The following ATP13A4 variants were observed in gnomAD, a reference collection of about 807,000 sequenced individuals.
ATP13A4 encodes probable cation-transporting ATPase 13A4.
In ATP13A4, 114 loss-of-function variants were observed where a neutral mutation model predicts 142.5. The observed-to-expected ratio is 0.80, with a 90% CI of 0.69 to 0.93. The LOEUF (loss-of-function observed/expected upper bound fraction) is 0.93. Among genes scored for constraint, ATP13A4 ranks in the 40% least tolerant of loss-of-function variants. The pLI is 0.00. For missense variants in ATP13A4, 1,392 were observed against 1,454.0 expected, an observed-to-expected ratio of 0.96 and a Z score of 0.69; for synonymous variants, 488 against 514.8, an observed-to-expected ratio of 0.95 and a Z score of 0.70.
intron 14 of ATP13A4, chr3:193,458,839 TAGTGCC>T (rs1037393218): frequency 4.8e-6 from 3 of 618,710 alleles, no homozygotes; most frequent in Non-Finnish European, 8.6e-6. Flanking sequence ...TTGCCAGGCA[TAGTGCC>T]AAGGATTTTC....
intron 19 of ATP13A4, 59 bp from the exon 20 acceptor site, chr3:193,441,647 T>C: frequency 6.3e-7 from 1 of 1,582,194 alleles, no homozygotes; most frequent in Non-Finnish European, 8.7e-7. Flanking sequence ...GTTAGAACCA[T>C]AAGCATATCT....
In ATP13A4 at chr3:193,487,119, G is replaced by A. The variant is rs1479277342; in HGVS notation, c.738+2611C>T. ...AGCTATCAAAAGAGAACGGAAAAGA[G>A]CAACTGGAGAGGATGGAGAGTGTGT... On this transcript the variant is annotated intron_variant, in intron 7 of 29. Transcript: ENST00000342695. Among the ~76,000 whole-genome samples the A allele has an allele frequency of 6.6e-5, 10 of 152,150 alleles. 1 individual carries two copies. The highest frequency in any genetic ancestry group is 6.5e-4 in the Admixed American group (10 of 15,276).
chr3:193,495,664 T>C (rs568631680), intron 3 of ATP13A4, among the ~76,000 whole-genome samples: 1 of 152,234 alleles, frequency 6.6e-6, no homozygotes, highest in East Asian at 1.9e-4. Context: ...CTCTAAGACC[T>C]AGAACAAGAC....
At chr3:193,489,892 C>G (rs1438111537) in intron 6 of ATP13A4, 28 bp from the exon 7 acceptor site, 1 of 1,608,378 alleles carries the variant, frequency 6.2e-7, no homozygotes, top group Non-Finnish European at 8.5e-7. Flanking sequence ...AACAGGAAGA[C>G]AAGGGAGAGT....
At chr3:193,472,632 A>G (rs144418047) in intron 8 of ATP13A4, among the ~76,000 whole-genome samples, 16 of 152,218 alleles carry the variant, frequency 1.1e-4, no homozygotes, top group Non-Finnish European at 2.4e-4. Context: ...TCAAACTGCA[A>G]ACGTTACAAC....
At chr3:193,407,450 G>A in intron 28 of ATP13A4, 57 bp from the exon 29 acceptor site, 3 of 1,358,004 alleles carry the variant, frequency 2.2e-6, no homozygotes, top group South Asian at 2.3e-5. Context: ...CTGGAAACAT[G>A]CTCACATGTT....
At chr3:193,564,869 C>A (rs1429695536) in intron 2 of ATP13A4, among the ~76,000 whole-genome samples, 1 of 152,066 alleles carries the variant, frequency 6.6e-6, no homozygotes, top group Non-Finnish European at 1.5e-5. Context: ...GTCAGAGCAG[C>A]GGCAACATTA....
At position 193,543,719 on chromosome 3, in the gene ATP13A4, G is replaced by A. The variant is rs147373423; in HGVS notation, c.60+11021C>T. ...AATCCACGAAGTCATAAATTTTCTT[G>A]AACTCATCAGATAGCTAAGGTTTCA... On this transcript the variant is annotated intron_variant, in intron 1 of 29. Coordinates refer to ENST00000342695, the MANE Select transcript of ATP13A4 (RefSeq NM_032279.4). Among the ~76,000 whole-genome samples, 49 of 152,260 alleles carry A rather than the reference G, an allele frequency of 3.2e-4. No homozygotes were observed. The East Asian group carries it at 9.3e-3, about 29-fold the overall frequency.
chr3:193,419,213 A>G (rs2108608770), intron 25 of ATP13A4, among the ~76,000 whole-genome samples: 1 of 149,922 alleles, frequency 6.7e-6, no homozygotes, highest in Non-Finnish European at 1.5e-5. Context: ...CCTGAGTTGA[A>G]CCTGTGCACT....
chr3:193,497,179 G>A (rs996911779), intron 3 of ATP13A4, among the ~76,000 whole-genome samples: 1 of 152,046 alleles, frequency 6.6e-6, no homozygotes, highest in Non-Finnish European at 1.5e-5. Context: ...ATCTGACAAG[G>A]GGTTAATATC....
At chr3:193,478,504 C>T (rs1055598827) in intron 8 of ATP13A4, among the ~76,000 whole-genome samples, 1 of 151,728 alleles carries the variant, frequency 6.6e-6, no homozygotes, top group African/African-American at 2.4e-5. Context: ...CACCTATATG[C>T]AAATAAACTA....
intron 1 of ATP13A4, among the ~76,000 whole-genome samples, chr3:193,539,960 C>A (rs1722795618): frequency 6.6e-6 from 1 of 152,044 alleles, no homozygotes; most frequent in Non-Finnish European, 1.5e-5. Flanking sequence ...TGCACTGAGA[C>A]CTTGTATAAT....
At chr3:193,573,290 C>CTTATATATATATGTATGT (rs1279066051) in intron 2 of ATP13A4, among the ~76,000 whole-genome samples, 1 of 109,994 alleles carries the variant, frequency 9.1e-6, no homozygotes, top group African/African-American at 4.4e-5. Context: ...TATATATATA[C>CTTATATATATATGTATGT]ACATATATAT....
At chr3:193,477,136 G>A (rs1389745416) in intron 8 of ATP13A4, among the ~76,000 whole-genome samples, 1 of 152,048 alleles carries the variant, frequency 6.6e-6, no homozygotes, top group Non-Finnish European at 1.5e-5. Context: ...TGTATCATAA[G>A]TATGTCTACA....
intron 2 of ATP13A4, among the ~76,000 whole-genome samples, chr3:193,563,612 T>A (rs770255967): frequency 1.3e-5 from 2 of 152,162 alleles, no homozygotes; most frequent in Non-Finnish European, 2.9e-5. Context: ...CAGCTGTGAT[T>A]GTGTAATTGC....
chr3:193,416,692 T>A (rs1377552472), intron 25 of ATP13A4, among the ~76,000 whole-genome samples: 5 of 149,476 alleles, frequency 3.3e-5, no homozygotes, highest in Non-Finnish European at 1.5e-5. Context: ...GAAAAAAAAA[T>A]GATAAACAAA....
chr3:193,503,192 CTGCT>C (rs1428058490), intron 2 of ATP13A4, among the ~76,000 whole-genome samples: 16 of 152,146 alleles, frequency 1.1e-4, no homozygotes, highest in Admixed American at 1.0e-3. Flanking sequence ...GCACTGAGAC[CTGCT>C]CAGTCAGAGT....
chr3:193,406,448 T>C (rs1386690839), intron 29 of ATP13A4, among the ~76,000 whole-genome samples: 1 of 152,238 alleles, frequency 6.6e-6, no homozygotes, highest in African/African-American at 2.4e-5. Context: ...GAATTCTGCA[T>C]CTCACCTCTC....
intron 7 of ATP13A4, among the ~76,000 whole-genome samples, chr3:193,486,071 GTTA>G (rs1330255491): frequency 2.7e-5 from 4 of 149,488 alleles, no homozygotes; most frequent in African/African-American, 9.7e-5. Context: ...ATATAAATAT[GTTA>G]TTATTATTTT....
Sources: allele counts gnomAD v4.1 joint callset (sites outside exome capture counted in the v4.1 genomes callset), GRCh38; gene constraint gnomAD v4.1.1; transcripts MANE v1.5; gene names NCBI Gene and HGNC (gene_info 2026-07-23, HGNC 2026-07-21).